The following CLSTN2 variants were observed in gnomAD, a reference collection of about 807,000 sequenced individuals.
The protein encoded by CLSTN2 is calsyntenin-2.
In CLSTN2, 48 loss-of-function variants were observed where a neutral mutation model predicts 101.2. The ratio of observed to expected loss-of-function variants is 0.47; its 90% CI spans 0.38 to 0.60. The LOEUF (loss-of-function observed/expected upper bound fraction) is 0.60. Among genes scored for constraint, CLSTN2 ranks in the 20% least tolerant of loss-of-function variants. CLSTN2 has a pLI of 0.00. For missense variants in CLSTN2, 1,160 were observed against 1,238.2 expected, an observed-to-expected ratio of 0.94 and a Z score of 0.95; for synonymous variants, 481 against 463.6, an observed-to-expected ratio of 1.04 and a Z score of -0.48.
intron 2 of CLSTN2, among the ~76,000 whole-genome samples, chr3:140,250,228 G>T (rs1394604768): frequency 1.3e-5 from 2 of 152,202 alleles, no homozygotes; most frequent in Admixed American, 6.5e-5. Flanking sequence ...GATTCACTCA[G>T]CACAAGTTCA....
rs1464264614 is a variant in CLSTN2 at position 140,549,158 on chromosome 3, A to G, written c.1674+2477A>G. The stretch of plus-strand genomic sequence containing the variant: ...TTCTGATTCTAAATTTACTCTTTGC[A>G]TCTGCGTAGATCTTCTCTGCTCTGA... On this transcript the variant is annotated intron_variant, in intron 10 of 16. Coordinates refer to ENST00000458420, the MANE Select transcript of CLSTN2 (RefSeq NM_022131.3). Among the ~76,000 whole-genome samples the G allele has an allele frequency of 3.1e-5, 4 of 127,184 alleles. No individual in the cohort carries two copies. In the East Asian group the frequency reaches 8.3e-4, roughly 26 times the overall value. 83.4% of individuals were successfully genotyped at this position (127,184 alleles called of 152,430 possible).
Position 140,564,023 on chromosome 3 carries a change from G to C in CLSTN2, c.2545G>C (p.Ala849Pro). The C allele has an allele frequency of 6.2e-7, 1 of 1,614,132 alleles. No individual in the cohort carries two copies. The highest frequency in any genetic ancestry group is 2.2e-5 in the East Asian group (1 of 44,874). ...CGTGTGCATGCTTGTGTTTGTCGTG[G>C]CCATGGGTGTGTACCGGGTCCGGAT... ...ISVCMLVFVVAMGVYRVRIAH... is the reference protein window; with the variant it reads ...ISVCMLVFVVPMGVYRVRIAH... The change falls in exon 16 of 17, where the codon GCC becomes CCC. Residue 849 changes from alanine to proline, a missense_variant. Transcript: ENST00000458420.
intron 1 of CLSTN2, 98 bp from the exon 2 acceptor site, chr3:140,175,853 A>C (rs2010315103): frequency 8.8e-7 from 1 of 1,137,562 alleles, no homozygotes; most frequent in East Asian, 2.5e-5. Flanking sequence ...GTTGGATGAG[A>C]GTCTATGATT....
intron 1 of CLSTN2, among the ~76,000 whole-genome samples, chr3:140,063,388 C>T (rs1287132052): frequency 6.6e-6 from 1 of 152,180 alleles, no homozygotes; most frequent in Non-Finnish European, 1.5e-5. Context: ...GCTGCCATCT[C>T]CCAGCTAGAA....
chr3:140,311,370 A>T (rs2087167117), intron 2 of CLSTN2, among the ~76,000 whole-genome samples: 2 of 117,726 alleles, frequency 1.7e-5, no homozygotes, highest in African/African-American at 6.7e-5. Flanking sequence ...CAGTGGCCTG[A>T]TCTTGGCTCA....
At chr3:140,390,233 C>T (rs1235188581) in intron 2 of CLSTN2, among the ~76,000 whole-genome samples, 1 of 152,020 alleles carries the variant, frequency 6.6e-6, no homozygotes, top group Non-Finnish European at 1.5e-5. Flanking sequence ...TTTTATAATA[C>T]ATGCTTTTAA....
chr3:140,507,550 G>T, intron 8 of CLSTN2: 1 of 152,274 alleles, frequency 6.6e-6, no homozygotes, highest in Non-Finnish European at 1.5e-5. Context: ...CCTCGCTTCT[G>T]TGCCACAGGG....
At chr3:139,941,618 C>A (rs1935132290) in intron 1 of CLSTN2, among the ~76,000 whole-genome samples, 1 of 152,042 alleles carries the variant, frequency 6.6e-6, no homozygotes, top group Admixed American at 6.5e-5. Flanking sequence ...AAGTTGGCAA[C>A]AATAGAGGTC....
intron 2 of CLSTN2, among the ~76,000 whole-genome samples, chr3:140,331,837 GTTCATTAAGTCTCCACTATTT>G (rs1415852105): frequency 6.6e-6 from 1 of 152,140 alleles, no homozygotes; most frequent in East Asian, 1.9e-4. Context: ...GCCAGTGCTT[GTTCATTAAGTCTCCACTATTT>G]TTAGTAAGCT....
At chr3:140,488,712 G>A (rs569637374) in intron 8 of CLSTN2, among the ~76,000 whole-genome samples, 13 of 137,464 alleles carry the variant, frequency 9.5e-5, no homozygotes, top group African/African-American at 3.0e-4. Flanking sequence ...GTATACTGGC[G>A]AACTGGCAAA....
chr3:140,350,170 A>G (rs2087590484), intron 2 of CLSTN2, among the ~76,000 whole-genome samples: 1 of 152,248 alleles, frequency 6.6e-6, no homozygotes, highest in South Asian at 2.1e-4. Context: ...ACAGGAAGAA[A>G]GATAATAACT....
chr3:140,224,409 A>G (rs2086301498), intron 2 of CLSTN2, among the ~76,000 whole-genome samples: 1 of 152,234 alleles, frequency 6.6e-6, no homozygotes, highest in Non-Finnish European at 1.5e-5. Flanking sequence ...GCTAGTGTTT[A>G]TTGAGTAGTT....
chr3:139,967,860 ACT>A (rs1322805433), intron 1 of CLSTN2, among the ~76,000 whole-genome samples: 1 of 152,150 alleles, frequency 6.6e-6, no homozygotes, highest in African/African-American at 2.4e-5. Flanking sequence ...GCAGGCAGAA[ACT>A]ACCCATTTTT....
intron 7 of CLSTN2, among the ~76,000 whole-genome samples, chr3:140,463,128 T>C (rs1238897770): frequency 6.6e-6 from 1 of 152,174 alleles, no homozygotes; most frequent in Non-Finnish European, 1.5e-5. Context: ...CCATGAACAG[T>C]GCACTTTCCA....
rs937421166 is a variant in CLSTN2 at position 140,487,870 on chromosome 3, A to G, written c.1344+21139A>G. On this transcript the variant is annotated intron_variant, in intron 8 of 16. Transcript: ENST00000458420. ...GGCTATAGCTATTTGGACACAAAGC[A>G]AAGACAGAGTCTTATATCTATTATC... Among the ~76,000 whole-genome samples, 132 of 152,370 alleles carry G rather than the reference A, an allele frequency of 8.7e-4. 2 individuals carry two copies. The highest frequency in any genetic ancestry group is 5.0e-4 in the Non-Finnish European group (34 of 68,034).
Position 140,546,812 on chromosome 3 carries a change from A to T in CLSTN2, c.1674+131A>T. ...AGAAATGGCAACAAGGCAAAGGTGC[A>T]GCCACGAGATGGGGGTTCCGGAGGG... On this transcript the variant is annotated intron_variant, in intron 10 of 16. Coordinates refer to ENST00000458420, the MANE Select transcript of CLSTN2 (RefSeq NM_022131.3). 3.6e-6 allele frequency: 3 copies of T among 822,750 alleles called. No homozygotes were observed. The South Asian group carries it at 6.1e-5, about 17-fold the overall frequency. The allele number at this position is 822,750 out of a possible 1,614,324, so 51.0% of individuals were successfully genotyped here.
intron 2 of CLSTN2, among the ~76,000 whole-genome samples, chr3:140,385,828 G>A (rs1311646480): frequency 6.6e-6 from 1 of 152,136 alleles, no homozygotes; most frequent in African/African-American, 2.4e-5. Context: ...GAAGCAAGCT[G>A]GGGTCTAGGG....
chr3:140,378,515 C>A (rs1226109536), intron 2 of CLSTN2, among the ~76,000 whole-genome samples: 1 of 152,182 alleles, frequency 6.6e-6, no homozygotes, highest in Non-Finnish European at 1.5e-5. Context: ...GCTCAAGACG[C>A]AGTTAATTTA....
In CLSTN2 at chr3:140,421,267, C is replaced by A. The variant is rs142291152; in HGVS notation, c.780C>A (p.Gly260=). The A allele has an allele frequency of 9.2e-4, 1,491 of 1,613,984 alleles. 2 individuals are homozygous for A. The highest frequency in any genetic ancestry group is 1.0e-3 in the Non-Finnish European group (1,190 of 1,179,998). Reference sequence around the variant, plus strand: ...ATGTGAAGCCAGTTTGCAAGCCTGGCTGGCAAGGTGGGCCTGTTTTATCAG... The same window carrying A: ...ATGTGAAGCCAGTTTGCAAGCCTGGATGGCAAGGTGGGCCTGTTTTATCAG... ...QVDVKPVCKP[G]WQDWTKRIEY... Residue 260 remains glycine (G), a synonymous_variant, in exon 5 of 17, where the codon GGC becomes GGA. Transcript: ENST00000458420.
Sources: gnomAD v4.1 joint callset for allele counts (sites outside exome capture counted in the v4.1 genomes callset) on GRCh38, gnomAD v4.1.1 for gene constraint, MANE v1.5 for transcripts, NCBI Gene and HGNC (gene_info 2026-07-23, HGNC 2026-07-21) for gene names.